The following PPP3CB variants were observed in gnomAD, a reference collection of about 807,000 sequenced individuals.
PPP3CB encodes the protein protein phosphatase 3 catalytic subunit beta, also known as serine/threonine-protein phosphatase 2B catalytic subunit beta isoform.
PPP3CB carries 8 observed loss-of-function variants against 66.4 expected under a neutral mutation model. That is an observed-to-expected ratio of 0.12 (90% CI 0.07 to 0.22). The LOEUF (loss-of-function observed/expected upper bound fraction) is 0.22, where lower values mean the gene tolerates loss of function less well. PPP3CB is among the 10% of genes least tolerant of loss of function. The pLI is 1.00. For missense variants in PPP3CB, 319 were observed against 642.5 expected, an observed-to-expected ratio of 0.50 and a Z score of 5.44; for synonymous variants, 208 against 221.2, an observed-to-expected ratio of 0.94 and a Z score of 0.53.
chr10:73,488,271 G>A (rs1396138142), intron 1 of PPP3CB, among the ~76,000 whole-genome samples: 1 of 152,096 alleles, frequency 6.6e-6, no homozygotes, highest in Non-Finnish European at 1.5e-5. Flanking sequence ...ATGGCTGGGC[G>A]TGGTGGCTCA....
chr10:73,495,774 C>G (rs1450285681), intron 1 of PPP3CB, 31 bp downstream of exon 1: 1 of 1,567,010 alleles, frequency 6.4e-7, no homozygotes, highest in Non-Finnish European at 8.7e-7. Context: ...GCTCTTCAGG[C>G]CAGGCCCCCA....
At chr10:73,447,047 C>T (rs2056268600) in intron 10 of PPP3CB, among the ~76,000 whole-genome samples, 1 of 152,180 alleles carries the variant, frequency 6.6e-6, no homozygotes, top group South Asian at 2.1e-4. Flanking sequence ...GACAATATCC[C>T]ATCAGACTAT....
At chr10:73,484,563 C>T (rs1334069836) in intron 1 of PPP3CB, among the ~76,000 whole-genome samples, 1 of 151,520 alleles carries the variant, frequency 6.6e-6, no homozygotes. Flanking sequence ...GGAGCCACTG[C>T]GCAAGGCCTA....
At chr10:73,467,002 G>A (rs1303234064) in intron 9 of PPP3CB, 1 of 152,068 alleles carries the variant, frequency 6.6e-6, no homozygotes, top group Non-Finnish European at 1.5e-5. Context: ...AGCCTATTAT[G>A]TACTAACAAG....
rs550798579 is a variant in PPP3CB, at chr10:73,438,283, C to T, written c.1534G>A (p.Ala512Thr). ...DGFNSLNTAH[A>T]TENHGTGNHT... ...TTGCCCGTCCCGTGGTTCTCAGTGGCATGTGCGGTGTTCAGAGAATTGAAA... is the reference window on the plus strand; with the variant it reads ...TTGCCCGTCCCGTGGTTCTCAGTGGTATGTGCGGTGTTCAGAGAATTGAAA... The change falls in exon 14 of 14, where the codon GCC (alanine) becomes ACC (threonine). Residue 512 changes from alanine to threonine, a missense_variant. Transcript: ENST00000360663. 40 of 1,614,128 alleles carry T rather than the reference C, an allele frequency of 2.5e-5. No individual in the cohort carries two copies. In the East Asian group the frequency reaches 8.2e-4, roughly 33 times the overall value.
intron 9 of PPP3CB, among the ~76,000 whole-genome samples, chr10:73,461,537 C>T (rs2132872372): frequency 6.6e-6 from 1 of 152,226 alleles, no homozygotes; most frequent in Admixed American, 6.5e-5. Context: ...AGATTTCTCC[C>T]TTTTGGAGCA....
At chr10:73,495,617 G>A (rs1192295721) in intron 1 of PPP3CB, 188 bp downstream of exon 1, 3 of 815,112 alleles carry the variant, frequency 3.7e-6, no homozygotes, top group South Asian at 2.6e-5. Context: ...GCAACCGGGA[G>A]ACCGCGGAAC....
In PPP3CB at chr10:73,454,393, G is replaced by C; in HGVS notation, c.1186+19C>G. The C allele has an allele frequency of 1.3e-6, 2 of 1,568,160 alleles. No homozygotes were observed. Among genetic ancestry groups the C allele is most frequent in the Non-Finnish European group, 1.7e-6 (2 of 1,144,918 alleles). On this transcript the variant is annotated intron_variant, in intron 10 of 13. Transcript: ENST00000360663. Reference sequence around the variant, plus strand: ...CCATTTCACAGTAAAAAAAAAAATAGTAAGATGAATAATCATACCATCAAA... The same window carrying C: ...CCATTTCACAGTAAAAAAAAAAATACTAAGATGAATAATCATACCATCAAA...
At chr10:73,462,474 C>A (rs184478192) in intron 9 of PPP3CB, among the ~76,000 whole-genome samples, 1 of 152,032 alleles carries the variant, frequency 6.6e-6, no homozygotes, top group Non-Finnish European at 1.5e-5. Flanking sequence ...TGCCAATTCA[C>A]AAGTCCGTAA....
At chr10:73,495,284 A>C (rs1278438452) in intron 1 of PPP3CB, among the ~76,000 whole-genome samples, 1 of 152,080 alleles carries the variant, frequency 6.6e-6, no homozygotes, top group Non-Finnish European at 1.5e-5. Context: ...TCCGGGTGGC[A>C]CCTGACGGCC....
chr10:73,464,879 T>C (rs2056594145), intron 9 of PPP3CB, among the ~76,000 whole-genome samples: 1 of 150,996 alleles, frequency 6.6e-6, no homozygotes, highest in Non-Finnish European at 1.5e-5. Flanking sequence ...TGCAGTGAGC[T>C]GAGATTGTGC....
intron 8 of PPP3CB, among the ~76,000 whole-genome samples, chr10:73,468,849 A>G (rs2056660531): frequency 6.6e-6 from 1 of 152,252 alleles, no homozygotes; most frequent in Non-Finnish European, 1.5e-5. Context: ...ATTTTAAATT[A>G]GTCTCAAAAA....
Position 73,479,507 on chromosome 10 carries a change from G to A in PPP3CB, c.96C>T (p.Phe32=), listed in dbSNP as rs1293118814. The change falls in exon 2 of 14, where the codon TTC becomes TTT. Residue 32 remains phenylalanine (F), a synonymous_variant. Transcript: ENST00000360663. ...GADRVVKAVP[F]PPTHRLTSEE... The stretch of plus-strand genomic sequence containing the variant: ...CAGATGTCAAGCGATGTGTTGGGGG[G>A]AAAGGGACAGCTGCAAATGTTTTTA... 3 of 1,613,620 alleles carry A rather than the reference G, an allele frequency of 1.9e-6. No individual in the cohort carries two copies. The highest frequency in any genetic ancestry group is 2.5e-6 in the Non-Finnish European group (3 of 1,179,722).
chr10:73,490,258 G>C (rs1298069741), intron 1 of PPP3CB, among the ~76,000 whole-genome samples: 2 of 152,048 alleles, frequency 1.3e-5, no homozygotes, highest in Non-Finnish European at 2.9e-5. Flanking sequence ...TACCTCCTTT[G>C]AACTGACAAC....
At chr10:73,479,866 T>C (rs1002104772) in intron 1 of PPP3CB, among the ~76,000 whole-genome samples, 9 of 152,108 alleles carry the variant, frequency 5.9e-5, no homozygotes, top group Non-Finnish European at 1.2e-4. Flanking sequence ...TGAAGTACAA[T>C]AAATATAATT....
chr10:73,495,532 G>A (rs41314984), intron 1 of PPP3CB: 6 of 243,174 alleles, frequency 2.5e-5, no homozygotes, highest in African/African-American at 4.6e-5. Context: ...AAGAGAAAAC[G>A]GGCTCACTGC....
At chr10:73,483,322 G>A (rs2056914282) in intron 1 of PPP3CB, among the ~76,000 whole-genome samples, 1 of 152,162 alleles carries the variant, frequency 6.6e-6, no homozygotes, top group Admixed American at 6.5e-5. Flanking sequence ...GGGAATCAAT[G>A]TTACCATAAC....
intron 4 of PPP3CB, among the ~76,000 whole-genome samples, chr10:73,472,552 C>T (rs937851157): frequency 6.6e-6 from 1 of 151,094 alleles, no homozygotes; most frequent in African/African-American, 2.4e-5. Flanking sequence ...TCACCTTTAT[C>T]GGCCAAATAA....
chr10:73,483,402 C>A (rs1398232252), intron 1 of PPP3CB, among the ~76,000 whole-genome samples: 1 of 152,180 alleles, frequency 6.6e-6, no homozygotes, highest in Non-Finnish European at 1.5e-5. Flanking sequence ...CCCCTATAAT[C>A]CCAACACTTT....
Sources: gnomAD v4.1 joint callset for allele counts (sites outside exome capture counted in the v4.1 genomes callset) on GRCh38, gnomAD v4.1.1 for gene constraint, MANE v1.5 for transcripts, NCBI Gene and HGNC (gene_info 2026-07-23, HGNC 2026-07-21) for gene names.